Variants in NR6A1 observed in about 807,000 individuals in gnomAD.
NR6A1 encodes retinoic acid receptor-related testis-associated receptor.
In NR6A1, 7 loss-of-function variants were observed where a neutral mutation model predicts 59.1. That is an observed-to-expected ratio of 0.12 (90% CI 0.07 to 0.22). The LOEUF is 0.22. Among genes scored for constraint, NR6A1 ranks in the 10% least tolerant of loss-of-function variants. The probability of loss-of-function intolerance (pLI) is 1.00; values close to 1 mark genes in which losing one functional copy is unlikely to be tolerated. For synonymous variants in NR6A1, 243 were observed against 236.1 expected (o/e 1.03, Z -0.27); for missense variants, 468 against 611.6 (o/e 0.77, Z 2.48).
intron 1 of NR6A1, among the ~76,000 whole-genome samples, chr9:124,765,859 T>C (rs1346894393): frequency 2.0e-5 from 3 of 152,242 alleles, no homozygotes; most frequent in African/African-American, 7.2e-5. Context: ...TTCTTTCAAA[T>C]GATGCTCTCC....
At position 124,770,941 on chromosome 9, in the gene NR6A1, C is replaced by T. The variant is rs1841135105; in HGVS notation, c.100+79G>A. ...TGCGGCTTCCCAGGGCGAGGGTCGGCAGAGAGGAGGGGGATCCCTGGCGGA... is the reference window on the plus strand; with the variant it reads ...TGCGGCTTCCCAGGGCGAGGGTCGGTAGAGAGGAGGGGGATCCCTGGCGGA... On this transcript the variant is annotated intron_variant, in intron 1 of 9. Coordinates refer to ENST00000487099, the MANE Select transcript of NR6A1 (RefSeq NM_033334.4). 1.6e-5 allele frequency: 13 copies of T among 827,430 alleles called. No homozygotes were observed. In the South Asian group the frequency reaches 6.2e-4, roughly 39 times the overall value. The allele number at this position is 827,430 out of a possible 1,614,324, so 51.3% of individuals were successfully genotyped here.
intron 2 of NR6A1, among the ~76,000 whole-genome samples, chr9:124,586,617 T>G (rs1299263979): frequency 2.0e-5 from 3 of 152,004 alleles, no homozygotes; most frequent in African/African-American, 7.3e-5. Flanking sequence ...AGCTAATTTT[T>G]TTTAAAATTT....
chr9:124,616,063 A>C (rs115208486), intron 2 of NR6A1, among the ~76,000 whole-genome samples: 1,566 of 152,072 alleles, frequency 0.01, 26 homozygotes, highest in African/African-American at 0.036. Flanking sequence ...TGGCCATAAA[A>C]CTTGTTGGCA....
At chr9:124,759,905 T>C (rs1446702526) in intron 1 of NR6A1, among the ~76,000 whole-genome samples, 2 of 151,778 alleles carry the variant, frequency 1.3e-5, no homozygotes, top group Non-Finnish European at 2.9e-5. Flanking sequence ...CTGGGTGCGA[T>C]GGTGGGCACC....
chr9:124,671,343 A>G (rs1837789409), intron 2 of NR6A1, among the ~76,000 whole-genome samples: 1 of 152,192 alleles, frequency 6.6e-6, no homozygotes, highest in African/African-American at 2.4e-5. Flanking sequence ...TCTGAAAAAC[A>G]TCTACTGCTA....
Position 124,567,831 on chromosome 9 carries a change from C to CTTTT in NR6A1, c.143-13265_143-13262dup, listed in dbSNP as rs534591761. On this transcript the variant is annotated intron_variant, in intron 2 of 9. Coordinates refer to ENST00000487099, the MANE Select transcript of NR6A1 (RefSeq NM_033334.4). ...CAAGCAGATGCTTTTTAAAAATTTGCTTTTTTTTTTTTTTTTTTTTTTTAA... is the reference window on the plus strand; with the variant it reads ...CAAGCAGATGCTTTTTAAAAATTTGCTTTTTTTTTTTTTTTTTTTTTTTTTTTAA... 4.1e-4 allele frequency among the ~76,000 whole-genome samples: 42 copies of CTTTT among 101,294 alleles called. 1 individual carries two copies. The highest frequency in any genetic ancestry group is 1.4e-3 in the African/African-American group (39 of 28,658). The allele number at this position is 101,294 out of a possible 152,430, so 66.5% of individuals were successfully genotyped here.
intron 2 of NR6A1, among the ~76,000 whole-genome samples, chr9:124,577,138 T>C (rs1834625067): frequency 6.6e-6 from 1 of 152,242 alleles, no homozygotes; most frequent in South Asian, 2.1e-4. Flanking sequence ...TAGTTCTTTC[T>C]GGAAATATCT....
At chr9:124,694,252 T>C (rs1054979496) in intron 2 of NR6A1, among the ~76,000 whole-genome samples, 10 of 152,178 alleles carry the variant, frequency 6.6e-5, no homozygotes, top group Non-Finnish European at 1.5e-4. Context: ...CCTTTATCCA[T>C]ACATACACAG....
chr9:124,633,357 C>T (rs1027101258), intron 2 of NR6A1, among the ~76,000 whole-genome samples: 2 of 142,776 alleles, frequency 1.4e-5, no homozygotes, highest in African/African-American at 2.6e-5. Context: ...GAGTCGAGAT[C>T]GCGCCACTGC....
In NR6A1 at chr9:124,540,149, C is replaced by T; in HGVS notation, c.480G>A (p.Gln160=). ...AGTGATTGGCCTCTTCCTCAAACTC[C>T]TGCCCAGACATGATCCTTTCGATTT... ...EEEIERIMSG[Q]EFEEEANHWS... is the part of the protein sequence containing the mutation. The change falls in exon 5 of 10, where the codon CAG becomes CAA. Residue 160 remains glutamine (Q), a synonymous_variant. Coordinates refer to ENST00000487099, the MANE Select transcript of NR6A1 (RefSeq NM_033334.4). 3.7e-6 allele frequency: 6 copies of T among 1,614,032 alleles called. No individual in the cohort carries two copies. Among genetic ancestry groups the T allele is most frequent in the Non-Finnish European group, 5.1e-6 (6 of 1,179,928 alleles).
At chr9:124,755,689 A>G (rs1840615325) in intron 1 of NR6A1, among the ~76,000 whole-genome samples, 1 of 152,334 alleles carries the variant, frequency 6.6e-6, no homozygotes, top group African/African-American at 2.4e-5. Flanking sequence ...GGTAAGCAGA[A>G]AAGTTCTTTA....
intron 6 of NR6A1, among the ~76,000 whole-genome samples, chr9:124,537,628 C>CT (rs1332717695): frequency 1.3e-5 from 2 of 152,154 alleles, no homozygotes; most frequent in Non-Finnish European, 2.9e-5. Flanking sequence ...TGAAAGAATA[C>CT]TCCTTCTACC....
chr9:124,609,511 G>A (rs949966581), intron 2 of NR6A1, among the ~76,000 whole-genome samples: 1 of 152,064 alleles, frequency 6.6e-6, no homozygotes, highest in East Asian at 1.9e-4. Flanking sequence ...GCTTACTGTG[G>A]CCTTATAGTC....
At chr9:124,769,018 C>T (rs189847973) in intron 1 of NR6A1, among the ~76,000 whole-genome samples, 20 of 152,260 alleles carry the variant, frequency 1.3e-4, no homozygotes, top group Admixed American at 1.1e-3. Context: ...ATTTACAACA[C>T]TCACAAATTA....
chr9:124,595,945 C>T (rs969911457), intron 2 of NR6A1: 1 of 514,482 alleles, frequency 1.9e-6, no homozygotes, highest in Admixed American at 3.1e-5. Flanking sequence ...AAAGTTCAGG[C>T]TCTAAGGTCA....
chr9:124,724,291 G>T (rs965328922), intron 2 of NR6A1, among the ~76,000 whole-genome samples: 9 of 152,042 alleles, frequency 5.9e-5, no homozygotes, highest in African/African-American at 1.9e-4. Context: ...TAGGTGGTGG[G>T]ATTAGAGATG....
chr9:124,750,746 C>G (rs766622393), intron 1 of NR6A1, among the ~76,000 whole-genome samples: 5 of 150,942 alleles, frequency 3.3e-5, no homozygotes, highest in African/African-American at 1.2e-4. Flanking sequence ...GGTGACAGAG[C>G]GAAACTCCGT....
At chr9:124,604,723 T>C (rs1244912592) in intron 2 of NR6A1, among the ~76,000 whole-genome samples, 2 of 151,964 alleles carry the variant, frequency 1.3e-5, no homozygotes, top group East Asian at 1.9e-4. Context: ...GATGGGAGGA[T>C]TGCTTCTTGA....
At chr9:124,596,181 C>CT (rs1419932528) in intron 2 of NR6A1, among the ~76,000 whole-genome samples, 3 of 151,794 alleles carry the variant, frequency 2.0e-5, no homozygotes, top group South Asian at 2.1e-4. Flanking sequence ...GGCTTTTCTT[C>CT]TTTTTTTTCA....
Sources: allele counts gnomAD v4.1 joint callset (sites outside exome capture counted in the v4.1 genomes callset), GRCh38; gene constraint gnomAD v4.1.1; transcripts MANE v1.5; gene names NCBI Gene and HGNC (gene_info 2026-07-23, HGNC 2026-07-21).